Variants in ZNF385C observed in about 807,000 individuals in gnomAD.
ZNF385C encodes CTD-2132N18.2.
ZNF385C carries 28 observed loss-of-function variants against 35.4 expected under a neutral mutation model. The observed-to-expected ratio is 0.79, with a 90% CI of 0.59 to 1.08. The LOEUF (loss-of-function observed/expected upper bound fraction) is 1.08. ZNF385C is among the 50% of genes least tolerant of loss of function. The pLI, the probability that ZNF385C is intolerant of heterozygous loss-of-function variation, is 0.00. For synonymous variants in ZNF385C, 248 were observed against 248.2 expected, an observed-to-expected ratio of 1.00 and a Z score of 0.01; for missense variants, 605 against 595.6, an observed-to-expected ratio of 1.02 and a Z score of -0.16.
At chr17:42,061,207 A>ATTTTTTTTTTTTTTTTTTTTT (rs10617911) in intron 2 of ZNF385C, 10 of 57,508 alleles carry the variant, frequency 1.7e-4, no homozygotes, top group South Asian at 1.2e-3. Flanking sequence ...TAATGAGTTA[A>ATTTTTTTTTTTTTTTTTTTTT]TTTTTTTTTT....
chr17:42,038,022 C>T, intron 2 of ZNF385C, 137 bp from the exon 3 acceptor site: 1 of 1,536,436 alleles, frequency 6.5e-7, no homozygotes, highest in Non-Finnish European at 8.7e-7. Context: ...ACCAGCCAGA[C>T]CCATAGTGAT....
At chr17:42,044,880 G>A (rs1555656476) in intron 2 of ZNF385C, among the ~76,000 whole-genome samples, 1 of 149,618 alleles carries the variant, frequency 6.7e-6, no homozygotes, top group African/African-American at 2.5e-5. Context: ...GGACTGAAAA[G>A]CCATGTCCAG....
At chr17:42,051,938 C>T (rs147199144) in intron 2 of ZNF385C, among the ~76,000 whole-genome samples, 2 of 152,292 alleles carry the variant, frequency 1.3e-5, no homozygotes, top group African/African-American at 4.8e-5. Flanking sequence ...GTGTGGCCGC[C>T]TGACTCCTGG....
intron 2 of ZNF385C, among the ~76,000 whole-genome samples, chr17:42,059,377 G>T (rs577788637): frequency 6.6e-6 from 1 of 152,364 alleles, no homozygotes; most frequent in African/African-American, 2.4e-5. Flanking sequence ...AGAGGTGACA[G>T]ATGACACACA....
rs571533041 is a variant in ZNF385C at position 42,031,519 on chromosome 17, C to A, written c.676+100G>T. 190 of 1,431,524 alleles carry A rather than the reference C, an allele frequency of 1.3e-4. No individual in the cohort carries two copies. The African/African-American group carries it at 2.4e-3, about 18-fold the overall frequency. 88.7% of individuals were successfully genotyped at this position (1,431,524 alleles called of 1,614,324 possible). ...TGCCTTTGCCTGTCTGTATGGAATA[C>A]TCCAACACAAGCAAAAAGAATAAGC... is the stretch of plus-strand genomic sequence containing the variant. On this transcript the variant is annotated intron_variant, in intron 5 of 8. Coordinates refer to ENST00000692273, the MANE Select transcript of ZNF385C (RefSeq NM_001392013.1).
intron 2 of ZNF385C, chr17:42,039,779 A>T: frequency 8.1e-7 from 1 of 1,232,120 alleles, no homozygotes. Context: ...CCGAAGTCAA[A>T]CTCGTGCAGC....
At chr17:42,031,931 A>G in intron 4 of ZNF385C, 147 bp from the exon 5 acceptor site, 1 of 866,572 alleles carries the variant, frequency 1.2e-6, no homozygotes, top group Non-Finnish European at 1.7e-6. Flanking sequence ...CATCATCATC[A>G]CCATAGCACA....
rs1183516450 is a variant in ZNF385C at position 42,031,555 on chromosome 17, C to A, written c.676+64G>T. On this transcript the variant is annotated intron_variant, in intron 5 of 8. Coordinates refer to ENST00000692273, the MANE Select transcript of ZNF385C (RefSeq NM_001392013.1). ...GCAAAAAGAATAAGCAGAAATCTCT[C>A]AACCCCTTGTCGGAAACCAGATTTG... 3 of 1,506,072 alleles carry A rather than the reference C, an allele frequency of 2.0e-6. No individual in the cohort carries two copies. The Admixed American group carries it at 6.6e-5, about 33-fold the overall frequency. 93.3% of individuals were successfully genotyped at this position (1,506,072 alleles called of 1,614,324 possible).
chr17:42,032,206 G>A (rs565879696), intron 4 of ZNF385C, among the ~76,000 whole-genome samples: 5 of 152,084 alleles, frequency 3.3e-5, no homozygotes, highest in South Asian at 4.2e-4. Context: ...GACTACAGGC[G>A]CCCGCCACCA....
At chr17:42,083,011 A>G (rs1445572288) in intron 1 of ZNF385C, among the ~76,000 whole-genome samples, 1 of 151,452 alleles carries the variant, frequency 6.6e-6, no homozygotes, top group Non-Finnish European at 1.5e-5. Context: ...CGGGAGGTGG[A>G]GGTTGCAGTG....
chr17:42,040,641 C>G (rs17737298), intron 2 of ZNF385C: 2 of 1,232,190 alleles, frequency 1.6e-6, no homozygotes, highest in African/African-American at 3.1e-5. Context: ...AGGCCTCGGC[C>G]ACTGCTTCCA....
chr17:42,040,035 G>C (rs1025596881), intron 2 of ZNF385C: 1 of 1,230,928 alleles, frequency 8.1e-7, no homozygotes, highest in Non-Finnish European at 1.0e-6. Context: ...CGAATACTAC[G>C]CGCTTAAACA....
At chr17:42,057,497 TGCGCGC>T (rs58127530) in intron 2 of ZNF385C, among the ~76,000 whole-genome samples, 1,690 of 46,862 alleles carry the variant, frequency 0.036, 34 homozygotes, top group African/African-American at 0.062. Context: ...TTTAGGGGTG[TGCGCGC>T]GCGCGCGCGC....
intron 1 of ZNF385C, among the ~76,000 whole-genome samples, chr17:42,070,468 G>T (rs900075121): frequency 1.3e-5 from 2 of 152,244 alleles, no homozygotes; most frequent in African/African-American, 4.8e-5. Context: ...GGAGGCCAAG[G>T]TATATGATTC....
rs74878508 is a variant in ZNF385C, at chr17:42,087,663, G to A, written c.-3+10747C>T. On this transcript the variant is annotated intron_variant, in intron 1 of 8. Transcript: ENST00000692273. ...GTCCTAGCCAGGCGCAGTGTCTCAC[G>A]TCTATAAATCTCAGCACTTTGGGAA... Among the ~76,000 whole-genome samples the A allele has an allele frequency of 2.1e-3, 321 of 152,234 alleles. 1 individual carries two copies. The highest frequency in any genetic ancestry group is 3.6e-3 in the Non-Finnish European group (247 of 68,018).
intron 1 of ZNF385C, among the ~76,000 whole-genome samples, chr17:42,076,495 G>A (rs1349357802): frequency 6.6e-6 from 1 of 152,194 alleles, no homozygotes; most frequent in East Asian, 1.9e-4. Flanking sequence ...GGTGGCGGGT[G>A]CCTGTAGTCC....
At chr17:42,047,077 G>C (rs2143717830) in intron 2 of ZNF385C, among the ~76,000 whole-genome samples, 1 of 148,892 alleles carries the variant, frequency 6.7e-6, no homozygotes. Flanking sequence ...TGTCACCCAG[G>C]CTGGAGCGCA....
At chr17:42,082,113 G>A (rs1555659764) in intron 1 of ZNF385C, among the ~76,000 whole-genome samples, 1 of 152,202 alleles carries the variant, frequency 6.6e-6, no homozygotes, top group Non-Finnish European at 1.5e-5. Flanking sequence ...GAAGCCTGAA[G>A]CTTCCCACCA....
At chr17:42,042,590 A>C (rs2053051356) in intron 2 of ZNF385C, among the ~76,000 whole-genome samples, 1 of 151,942 alleles carries the variant, frequency 6.6e-6, no homozygotes, top group Admixed American at 6.5e-5. Context: ...GCAACGTCTG[A>C]TTTAGGCAGT....
Sources: gnomAD v4.1 joint callset for allele counts (sites outside exome capture counted in the v4.1 genomes callset) on GRCh38, gnomAD v4.1.1 for gene constraint, MANE v1.5 for transcripts, NCBI Gene and HGNC (gene_info 2026-07-23, HGNC 2026-07-21) for gene names.